KLC1: variants seen among roughly 807,000 people sequenced by gnomAD.
KLC1 encodes the protein kinesin 2 60/70kDa.
KLC1 carries 30 observed loss-of-function variants against 84.2 expected under a neutral mutation model. The observed-to-expected ratio is 0.36, with a 90% CI of 0.27 to 0.48. The LOEUF (loss-of-function observed/expected upper bound fraction) is 0.48. KLC1 is among the 20% of genes least tolerant of loss of function. The probability of loss-of-function intolerance (pLI) is 0.99; values close to 1 mark genes in which losing one functional copy is unlikely to be tolerated. For missense variants in KLC1, 499 were observed against 805.4 expected (o/e 0.62, Z 4.60); for synonymous variants, 289 against 293.3 (o/e 0.99, Z 0.15).
intron 9 of KLC1, among the ~76,000 whole-genome samples, chr14:103,674,138 G>A (rs2080673543): frequency 1.3e-5 from 2 of 152,084 alleles, no homozygotes; most frequent in Admixed American, 1.3e-4. Context: ...ATGGAAACAG[G>A]AGAATCACCC....
chr14:103,633,891 C>T (rs8007915), intron 1 of KLC1, among the ~76,000 whole-genome samples: 89,211 of 151,818 alleles, frequency 0.59, 27,740 homozygotes, highest in Non-Finnish European at 0.71. Flanking sequence ...CTTTTTGAGA[C>T]GGAGTCTCGC....
At chr14:103,645,560 G>A (rs1350688996) in intron 1 of KLC1, among the ~76,000 whole-genome samples, 1 of 152,114 alleles carries the variant, frequency 6.6e-6, no homozygotes, top group Non-Finnish European at 1.5e-5. Flanking sequence ...ATTTCGTTGT[G>A]GGGGCATCAG....
chr14:103,677,292 GA>G (rs3831093), intron 11 of KLC1, 122 bp from the exon 12 acceptor site: 212,833 of 699,216 alleles, frequency 0.3, 34,600 homozygotes, highest in Non-Finnish European at 0.33. Flanking sequence ...AAAAGTACAA[GA>G]GAAAGTTAAA....
intron 15 of KLC1, chr14:103,699,348 C>A: frequency 6.3e-7 from 1 of 1,589,632 alleles, no homozygotes; most frequent in South Asian, 1.1e-5. Flanking sequence ...GGGTGCAACC[C>A]TGCCTTGGTG....
At chr14:103,689,599 G>A (rs1314970041) in intron 14 of KLC1, among the ~76,000 whole-genome samples, 1 of 152,198 alleles carries the variant, frequency 6.6e-6, no homozygotes, top group East Asian at 1.9e-4. Context: ...CCCCACCCCT[G>A]AGTTTCCAAT....
At chr14:103,663,485 G>A (rs1042773193) in intron 5 of KLC1, among the ~76,000 whole-genome samples, 1 of 152,100 alleles carries the variant, frequency 6.6e-6, no homozygotes, top group Non-Finnish European at 1.5e-5. Flanking sequence ...TACCCCTAAC[G>A]CCAGCCAAAC....
At chr14:103,695,267 C>T in intron 15 of KLC1, 2 of 657,748 alleles carry the variant, frequency 3.0e-6, no homozygotes, top group Non-Finnish European at 3.8e-6. Flanking sequence ...TCAAGAACAG[C>T]TTGGGCAACA....
chr14:103,656,983 A>G, intron 2 of KLC1, among the ~76,000 whole-genome samples: 1 of 151,980 alleles, frequency 6.6e-6, no homozygotes, highest in South Asian at 2.1e-4. Flanking sequence ...AGAGCCCTGG[A>G]GTGGCCCCTG....
At chr14:103,634,572 C>A (rs879698725) in intron 1 of KLC1, among the ~76,000 whole-genome samples, 8 of 151,952 alleles carry the variant, frequency 5.3e-5, no homozygotes, top group Non-Finnish European at 1.2e-4. Context: ...GGTGTGATGT[C>A]CATCTGGTAG....
chr14:103,698,771 C>G (rs746146387), intron 15 of KLC1: 1 of 1,566,488 alleles, frequency 6.4e-7, no homozygotes, highest in Non-Finnish European at 8.6e-7. Context: ...GCTTCTCAGG[C>G]AGGGCTGTTG....
At chr14:103,675,528 T>C (rs376416037) in intron 9 of KLC1, 24 bp from the exon 10 acceptor site, 18 of 1,605,560 alleles carry the variant, frequency 1.1e-5, no homozygotes, top group Non-Finnish European at 1.4e-5. Flanking sequence ...ATGCTCAACC[T>C]GTATGCTGTG....
chr14:103,676,363 G>C (rs1474570949), intron 11 of KLC1, among the ~76,000 whole-genome samples: 2 of 152,142 alleles, frequency 1.3e-5, no homozygotes, highest in African/African-American at 4.8e-5. Context: ...CCACCTCCCA[G>C]GTTCAAGTGA....
In KLC1 at chr14:103,681,982, G is replaced by A. The variant is rs147153501; in HGVS notation, c.1650+2437G>A. ...TTTCCCTGAGATTGCAAAGCAAACC[G>A]TTACCACTGTAGCCACTTACTTGTG... On this transcript the variant is annotated intron_variant, in intron 13 of 16. Coordinates refer to ENST00000334553, the MANE Select transcript of KLC1 (RefSeq NM_001394837.1). Among the ~76,000 whole-genome samples, 8 of 152,210 alleles carry A rather than the reference G, an allele frequency of 5.3e-5. No homozygotes were observed. The East Asian group carries it at 7.7e-4, about 15-fold the overall frequency.
intron 12 of KLC1, among the ~76,000 whole-genome samples, chr14:103,678,757 A>G (rs1052463923): frequency 2.6e-5 from 4 of 152,148 alleles, no homozygotes; most frequent in African/African-American, 7.2e-5. Context: ...TTTGCAAATG[A>G]TGTATCTCAT....
chr14:103,649,065 A>G (rs1380017445), intron 1 of KLC1, among the ~76,000 whole-genome samples: 1 of 152,114 alleles, frequency 6.6e-6, no homozygotes, highest in African/African-American at 2.4e-5. Flanking sequence ...TGAGCCCGGG[A>G]TGCGGAAGTT....
intron 1 of KLC1, among the ~76,000 whole-genome samples, chr14:103,633,121 G>A (rs1300198040): frequency 1.3e-5 from 2 of 151,270 alleles, no homozygotes; most frequent in South Asian, 2.1e-4. Context: ...GCAGTGGCAC[G>A]ACCTCTGCTC....
chr14:103,651,606 C>T (rs1031954214), intron 1 of KLC1, among the ~76,000 whole-genome samples: 1 of 152,120 alleles, frequency 6.6e-6, no homozygotes, highest in African/African-American at 2.4e-5. Flanking sequence ...AGAAGTGGCA[C>T]GTGTACTTAA....
chr14:103,679,703 C>G (rs1186211557), intron 13 of KLC1, 158 bp downstream of exon 13: 1 of 577,082 alleles, frequency 1.7e-6, no homozygotes, highest in Admixed American at 3.3e-5. Context: ...ATACTGAAGT[C>G]TGTTATTTGT....
intron 1 of KLC1, among the ~76,000 whole-genome samples, chr14:103,639,513 G>A (rs2077328261): frequency 6.6e-6 from 1 of 152,036 alleles, no homozygotes; most frequent in Non-Finnish European, 1.5e-5. Flanking sequence ...TACAGCCAAA[G>A]CTTACTGTAG....
Sources: allele counts gnomAD v4.1 joint callset (sites outside exome capture counted in the v4.1 genomes callset), GRCh38; gene constraint gnomAD v4.1.1; transcripts MANE v1.5; gene names NCBI Gene and HGNC (gene_info 2026-07-23, HGNC 2026-07-21).